Variants in DNAH6 observed in about 807,000 individuals in gnomAD.
The protein encoded by DNAH6 is dynein axonemal heavy chain 6.
In DNAH6, 340 loss-of-function variants were observed where a neutral mutation model predicts 491.4. The observed-to-expected ratio is 0.69, with a 90% CI of 0.63 to 0.76. The LOEUF is 0.76. Ranked by LOEUF, DNAH6 falls within the 30% of genes least tolerant of loss-of-function variation. DNAH6 has a pLI of 0.00. For synonymous variants in DNAH6, 1,603 were observed against 1,686.1 expected (o/e 0.95, Z 1.21); for missense variants, 4,443 against 4,972.2 (o/e 0.89, Z 3.20).
chr2:84,724,418 A>G (rs970493048), intron 60 of DNAH6, among the ~76,000 whole-genome samples: 4 of 152,214 alleles, frequency 2.6e-5, no homozygotes, highest in African/African-American at 9.7e-5. Context: ...CTGGAATTCA[A>G]AGCCAAATCC....
intron 15 of DNAH6, chr2:84,584,906 G>A (rs866141556): frequency 6.6e-6 from 1 of 152,188 alleles, no homozygotes; most frequent in Non-Finnish European, 1.5e-5. Context: ...TTCCCATTTA[G>A]AAAGAGACAG....
intron 69 of DNAH6, 77 bp downstream of exon 69, chr2:84,796,502 G>A (rs1678360589): frequency 7.8e-7 from 1 of 1,286,886 alleles, no homozygotes; most frequent in African/African-American, 1.5e-5. Flanking sequence ...TCCCACCCAG[G>A]GGCTGTCTGT....
At chr2:84,815,212 T>G (rs1192358) in intron 75 of DNAH6, among the ~76,000 whole-genome samples, 18,170 of 152,222 alleles carry the variant, frequency 0.12, 1,115 homozygotes, top group Non-Finnish European at 0.13. Context: ...TAAAAAGAAT[T>G]TAGTTTACCA....
chr2:84,751,197 A>G (rs909464225), intron 63 of DNAH6: 4 of 152,270 alleles, frequency 2.6e-5, no homozygotes, highest in African/African-American at 9.6e-5. Context: ...ATTCCATTTC[A>G]AAACTGAAGA....
intron 4 of DNAH6, 91 bp downstream of exon 4, chr2:84,529,257 A>C (rs1192889282): frequency 2.0e-6 from 2 of 996,616 alleles, no homozygotes; most frequent in Non-Finnish European, 2.8e-6. Context: ...AATAATAACA[A>C]TATCAAATAT....
intron 12 of DNAH6, among the ~76,000 whole-genome samples, chr2:84,574,602 C>T (rs1343541479): frequency 1.3e-5 from 2 of 152,096 alleles, no homozygotes; most frequent in Non-Finnish European, 2.9e-5. Context: ...AATGTGGCCC[C>T]AATTTAGAAA....
At chr2:84,622,248 A>G (rs1299157671) in intron 26 of DNAH6, among the ~76,000 whole-genome samples, 1 of 152,150 alleles carries the variant, frequency 6.6e-6, no homozygotes, top group Non-Finnish European at 1.5e-5. Flanking sequence ...AGGTTTATTC[A>G]TGCTACCACA....
At chr2:84,748,809 C>A (rs76713005) in intron 63 of DNAH6, among the ~76,000 whole-genome samples, 20,943 of 152,130 alleles carry the variant, frequency 0.14, 1,604 homozygotes, top group African/African-American at 0.21. Flanking sequence ...ATACCTGAGG[C>A]TGGATAATTT....
Position 84,770,244 on chromosome 2 carries a change from C to A in DNAH6, c.10703+7299C>A, listed in dbSNP as rs1406314465. On this transcript the variant is annotated intron_variant, in intron 64 of 76. Transcript: ENST00000389394. Reference sequence around the variant, plus strand: ...AACAAGAAACCCTGGGAAGTGGGGACCGTCTAATTTCCAGAGTTGTGACAT... The same window carrying A: ...AACAAGAAACCCTGGGAAGTGGGGAACGTCTAATTTCCAGAGTTGTGACAT... Among the ~76,000 whole-genome samples, 7 of 152,134 alleles carry A rather than the reference C, an allele frequency of 4.6e-5. No homozygotes were observed. In the East Asian group the frequency reaches 1.3e-3, roughly 29 times the overall value.
At chr2:84,708,252 A>G (rs1696663359) in intron 54 of DNAH6, among the ~76,000 whole-genome samples, 1 of 151,954 alleles carries the variant, frequency 6.6e-6, no homozygotes, top group African/African-American at 2.4e-5. Context: ...AGCCTGGCCA[A>G]CACTGTGAAA....
intron 18 of DNAH6, among the ~76,000 whole-genome samples, chr2:84,602,098 C>T (rs1375039092): frequency 8.6e-5 from 4 of 46,260 alleles, no homozygotes; most frequent in Non-Finnish European, 2.0e-4. Context: ...ACTGTTTTTG[C>T]TCCAGACAGT....
Position 84,670,308 on chromosome 2 carries a change from T to C in DNAH6, c.6307-20T>C. On this transcript the variant is annotated intron_variant, in intron 38 of 76. Coordinates refer to ENST00000389394, the MANE Select transcript of DNAH6 (RefSeq NM_001370.2). Reference sequence around the variant, plus strand: ...AGAGGTTATATTCATGTGACATTAATTAACTTATTTTAATTTAAGTCTGTG... The same window carrying C: ...AGAGGTTATATTCATGTGACATTAACTAACTTATTTTAATTTAAGTCTGTG... 7 of 1,464,548 alleles carry C rather than the reference T, an allele frequency of 4.8e-6. No homozygotes were observed. The highest frequency in any genetic ancestry group is 6.5e-6 in the Non-Finnish European group (7 of 1,079,404). 90.7% of individuals were successfully genotyped at this position (1,464,548 alleles called of 1,614,324 possible).
At chr2:84,693,551 G>A (rs2104790364) in intron 45 of DNAH6, among the ~76,000 whole-genome samples, 1 of 152,088 alleles carries the variant, frequency 6.6e-6, no homozygotes, top group African/African-American at 2.4e-5. Context: ...AGACCATCCT[G>A]GCTAAGACGG....
At chr2:84,494,206 G>A in the DNAH6 span, among the ~76,000 whole-genome samples, 5 of 152,302 alleles carry the variant, frequency 3.3e-5, no homozygotes, top group South Asian at 2.1e-4. Context: ...GGACTCACAC[G>A]TTGGTCTCTC....
Position 84,547,650 on chromosome 2 carries a change from TG to T in DNAH6, c.1186+40del, listed in dbSNP as rs1405752711. ...AAGAACCTCAATATATCAGAAGTGG[TG>T]GCTTTCTAAAATTTCAGCCCTTTTT... is the stretch of plus-strand genomic sequence containing the variant. On this transcript the variant is annotated intron_variant, in intron 7 of 76. Transcript: ENST00000389394. 33 of 1,527,594 alleles carry T rather than the reference TG, an allele frequency of 2.2e-5. 1 individual carries two copies. In the South Asian group the frequency reaches 4.0e-4, roughly 18 times the overall value. The allele number at this position is 1,527,594 out of a possible 1,614,324, so 94.6% of individuals were successfully genotyped here.
chr2:84,667,911 A>G (rs1414842442), intron 37 of DNAH6, among the ~76,000 whole-genome samples: 1 of 152,238 alleles, frequency 6.6e-6, no homozygotes, highest in Non-Finnish European at 1.5e-5. Context: ...ATGCAGCCAT[A>G]AAAAGGGATG....
At chr2:84,726,094 A>G (rs1399524195) in intron 60 of DNAH6, among the ~76,000 whole-genome samples, 4 of 152,138 alleles carry the variant, frequency 2.6e-5, no homozygotes, top group South Asian at 2.1e-4. Context: ...TTTGCGCTCC[A>G]TCCTATTAGT....
At chr2:84,814,542 G>A (rs1414319335) in intron 75 of DNAH6, among the ~76,000 whole-genome samples, 5 of 152,276 alleles carry the variant, frequency 3.3e-5, no homozygotes, top group South Asian at 2.1e-4. Context: ...GTCTTAAGAA[G>A]AGAGTGTCAA....
At chr2:84,560,165 T>C (rs1680495307) in intron 11 of DNAH6, among the ~76,000 whole-genome samples, 1 of 152,106 alleles carries the variant, frequency 6.6e-6, no homozygotes, top group African/African-American at 2.4e-5. Context: ...ATCTGTGTAT[T>C]GAAAGGGCCT....
Sources: allele counts gnomAD v4.1 joint callset (sites outside exome capture counted in the v4.1 genomes callset), GRCh38; gene constraint gnomAD v4.1.1; transcripts MANE v1.5; gene names NCBI Gene and HGNC (gene_info 2026-07-23, HGNC 2026-07-21).